Variants in LCN8 observed in about 807,000 individuals in gnomAD.
LCN8 encodes the protein epididymal-specific lipocalin-8.
Under a neutral mutation model 22.8 loss-of-function variants are expected in LCN8, and 16 were observed. The ratio of observed to expected loss-of-function variants is 0.70; its 90% confidence interval spans 0.47 to 1.06. The LOEUF is 1.06. Ranked by LOEUF, LCN8 falls within the 50% of genes least tolerant of loss-of-function variation. LCN8 has a pLI of 0.00. For synonymous variants in LCN8, 92 were observed against 83.4 expected, an observed-to-expected ratio of 1.10 and a Z score of -0.56; for missense variants, 189 against 203.3, an observed-to-expected ratio of 0.93 and a Z score of 0.43.
intron 3 of LCN8, 91 bp from the exon 4 acceptor site, chr9:136,755,607 C>A: frequency 6.5e-7 from 1 of 1,535,622 alleles, no homozygotes. Context: ...CATCCTGCCC[C>A]CACCCAGTCC....
Position 136,758,196 on chromosome 9 carries a change from A to G in LCN8, c.-266T>C. 1 of 1,385,218 alleles carries G rather than the reference A, an allele frequency of 7.2e-7. No individual in the cohort carries two copies. Among genetic ancestry groups the G allele is most frequent in the Non-Finnish European group, 9.4e-7 (1 of 1,068,994 alleles). The allele number at this position is 1,385,218 out of a possible 1,614,324, so 85.8% of individuals were successfully genotyped here. A position where few individuals can be genotyped will look rare whatever the true frequency, so the allele number is the denominator to read the frequency against. ...CCGCAGGGGTTAGCCTGGCCTAGAC[A>G]GCAGCCTGCCCAGCCACCCTCCTGG... On this transcript the variant is annotated 5_prime_UTR_variant, in exon 1 of 7. Coordinates refer to ENST00000371688, the MANE Select transcript of LCN8 (RefSeq NM_178469.4).
At position 136,757,021 on chromosome 9, in the gene LCN8, G is replaced by C. The variant is rs771624382; in HGVS notation, c.155+17C>G. On this transcript the variant is annotated intron_variant, in intron 2 of 6. Coordinates refer to ENST00000371688, the MANE Select transcript of LCN8 (RefSeq NM_178469.4). ...CATGCATGCCTCTTCCTCTCCAGCA[G>C]CCCCCAGGCCTCTTACCTGTTATAT... is the stretch of plus-strand genomic sequence containing the variant. 1 of 1,611,256 alleles carries C rather than the reference G, an allele frequency of 6.2e-7. No individual in the cohort carries two copies. The highest frequency in any genetic ancestry group is 1.3e-5 in the African/African-American group (1 of 74,954).
At chr9:136,754,549 T>C in intron 6 of LCN8, 40 bp from the exon 7 acceptor site, 2 of 1,547,880 alleles carry the variant, frequency 1.3e-6, no homozygotes, top group Non-Finnish European at 1.7e-6. Context: ...CCGTGTGGTC[T>C]CTGGAGGCCC....
chr9:136,754,613 T>G, intron 6 of LCN8, 104 bp from the exon 7 acceptor site: 1 of 1,487,410 alleles, frequency 6.7e-7, no homozygotes, highest in Non-Finnish European at 8.9e-7. Flanking sequence ...GCTGCCTGGT[T>G]TTGCGCAAAG....
At chr9:136,758,421 A>T, upstream of LCN8, 1 of 995,552 alleles carries the variant, frequency 1.0e-6, no homozygotes, top group Non-Finnish European at 1.2e-6. Flanking sequence ...GTGCCACCCC[A>T]CGCCTGGCCC....
intron 6 of LCN8, chr9:136,754,907 T>G: frequency 7.3e-7 from 1 of 1,367,708 alleles, no homozygotes; most frequent in South Asian, 2.0e-5. Flanking sequence ...GGTCCCTGCC[T>G]GGCAGCCTAG....
At chr9:136,757,342 C>A (rs1006718443) in intron 1 of LCN8, 174 bp from the exon 2 acceptor site, 37 of 1,443,926 alleles carry the variant, frequency 2.6e-5, no homozygotes, top group Non-Finnish European at 3.3e-5. Flanking sequence ...AGGCATGTGT[C>A]CCTCCAAGCG....
At chr9:136,757,797 C>A (rs1588310050) in intron 1 of LCN8, 110 bp downstream of exon 1, 1 of 1,605,196 alleles carries the variant, frequency 6.2e-7, no homozygotes, top group East Asian at 2.2e-5. Context: ...AAGTGTCTAG[C>A]CGGGCACCAG....
chr9:136,754,464 G>A lies in LCN8; in HGVS notation c.*34C>T, dbSNP rs943324430. ...CCAGGAGGGGCAGGGGTGGGCGGGC[G>A]CTCCGAACCTTGTGGTCTGAGGCAG... is the stretch of plus-strand genomic sequence containing the variant. On this transcript the variant is annotated 3_prime_UTR_variant, in exon 7 of 7. Transcript: ENST00000371688. The A allele has an allele frequency of 1.0e-5, 16 of 1,555,584 alleles. No individual in the cohort carries two copies. The highest frequency in any genetic ancestry group is 5.4e-5 in the African/African-American group (4 of 73,924).
intron 1 of LCN8, chr9:136,757,491 C>T: frequency 4.4e-6 from 6 of 1,352,132 alleles, no homozygotes; most frequent in Non-Finnish European, 5.7e-6. Flanking sequence ...GGAGGCAGGA[C>T]CCAGGAGCAG....
At chr9:136,757,001 A>C (rs377683624) in intron 2 of LCN8, 37 bp downstream of exon 2, 189 of 1,606,598 alleles carry the variant, frequency 1.2e-4, no homozygotes, top group Non-Finnish European at 1.6e-4. Context: ...CCGGCCATGC[A>C]TGCCTCTTCC....
At position 136,758,005 on chromosome 9, in the gene LCN8, G is replaced by A. The variant is rs1847250898; in HGVS notation, c.-75C>T. ...CACGGCAGCCTGGCCTCCGTGGCGGGGTCCGGGCTCCGGGTTCCCCTGCTG... is the reference window on the plus strand; with the variant it reads ...CACGGCAGCCTGGCCTCCGTGGCGGAGTCCGGGCTCCGGGTTCCCCTGCTG... On this transcript the variant is annotated 5_prime_UTR_variant, in exon 1 of 7. Transcript: ENST00000371688. 1.3e-5 allele frequency: 20 copies of A among 1,589,136 alleles called. No individual in the cohort carries two copies. The highest frequency in any genetic ancestry group is 2.3e-5 in the East Asian group (1 of 43,014).
At position 136,757,073 on chromosome 9, in the gene LCN8, G is replaced by T. The variant is rs777255250; in HGVS notation, c.120C>A (p.Ser40Arg). 1 of 1,613,304 alleles carries T rather than the reference G, an allele frequency of 6.2e-7. No individual in the cohort carries two copies. Among genetic ancestry groups the T allele is most frequent in the South Asian group, 1.1e-5 (1 of 90,878 alleles). Residue 40 changes from serine (S) to arginine (R), a missense_variant, in exon 2 of 7, where the codon AGC (serine) becomes AGA (arginine). Transcript: ENST00000371688. ...CAACCTTCACGGTCAGGTTACTCCC[G>T]CTCAAGGTGAGGAACAAGCCCTCCA... ...KRVEGLFLTL[S>R]GSNLTVKVAY...
At chr9:136,756,163 C>A (rs1847190006) in intron 3 of LCN8, 1 of 910,916 alleles carries the variant, frequency 1.1e-6, no homozygotes, top group Non-Finnish European at 1.4e-6. Context: ...CAGGGAACAG[C>A]ATGAGGAACA....
At chr9:136,754,874 ACCCCGTGAC>A in intron 6 of LCN8, 1 of 1,360,634 alleles carries the variant, frequency 7.3e-7, no homozygotes, top group Non-Finnish European at 9.4e-7. Flanking sequence ...CCAGCTCTGC[ACCCCGTGAC>A]CCCAGCCTCC....
At chr9:136,757,420 C>T (rs988665097) in intron 1 of LCN8, 8 of 1,407,612 alleles carry the variant, frequency 5.7e-6, no homozygotes, top group Admixed American at 3.0e-5. Flanking sequence ...TCTAGAGCTG[C>T]GGAACAGTCC....
chr9:136,754,967 A>G, intron 6 of LCN8, 168 bp downstream of exon 6: 16 of 1,402,966 alleles, frequency 1.1e-5, no homozygotes, highest in Non-Finnish European at 1.5e-5. Flanking sequence ...AGACAGACTC[A>G]TCTCTGGAGC....
chr9:136,756,036 G>C, intron 3 of LCN8: 1 of 1,304,154 alleles, frequency 7.7e-7, no homozygotes, highest in South Asian at 1.2e-5. Context: ...AACAGCATGG[G>C]GAACAGTGCA....
chr9:136,757,504 G>T (rs1479962150), intron 1 of LCN8: 34 of 1,349,096 alleles, frequency 2.5e-5, no homozygotes, highest in African/African-American at 2.9e-5. Flanking sequence ...AGGAGCAGAG[G>T]CCTGGAAAAG....
Sources: gnomAD v4.1 joint callset for allele counts on GRCh38, gnomAD v4.1.1 for gene constraint, MANE v1.5 for transcripts, NCBI Gene and HGNC (gene_info 2026-07-23, HGNC 2026-07-21) for gene names.